The following IL12RB2 variants were observed in gnomAD, a reference collection of about 807,000 sequenced individuals.
IL12RB2 encodes the protein interleukin 12 receptor subunit beta 2.
IL12RB2 carries 82 observed loss-of-function variants against 89.4 expected under a neutral mutation model. The ratio of observed to expected loss-of-function variants is 0.92; its 90% CI spans 0.77 to 1.10. The LOEUF (loss-of-function observed/expected upper bound fraction) is 1.10, where lower values mean the gene tolerates loss of function less well. Among genes scored for constraint, IL12RB2 ranks in the 50% least tolerant of loss-of-function variants. The pLI, the probability that IL12RB2 is intolerant of heterozygous loss-of-function variation, is 0.00. For missense variants in IL12RB2, 963 were observed against 1,031.9 expected (o/e 0.93, Z 0.92); for synonymous variants, 368 against 370.1 (o/e 0.99, Z 0.07).
intron 13 of IL12RB2, among the ~76,000 whole-genome samples, chr1:67,377,318 GTGAGCCAGTATATGT>G (rs1171651929): frequency 6.6e-6 from 1 of 152,158 alleles, no homozygotes; most frequent in African/African-American, 2.4e-5. Context: ...CCTGGAGTTT[GTGAGCCAGTATATGT>G]TGAGTATATG....
intron 6 of IL12RB2, 121 bp downstream of exon 6, chr1:67,328,505 G>A (rs1657633148): frequency 5.8e-6 from 9 of 1,540,092 alleles, no homozygotes; most frequent in South Asian, 1.2e-5. Flanking sequence ...ACAGGCATAA[G>A]CAAAAGATAG....
intron 10 of IL12RB2, among the ~76,000 whole-genome samples, chr1:67,367,325 G>A (rs891692936): frequency 2.0e-5 from 3 of 151,824 alleles, no homozygotes; most frequent in African/African-American, 7.3e-5. Context: ...AATCTGGGAG[G>A]TTGAGGCTGC....
intron 15 of IL12RB2, among the ~76,000 whole-genome samples, chr1:67,387,505 A>T (rs4655543): frequency 0.47 from 70,356 of 150,456 alleles, 18,587 homozygotes; most frequent in Non-Finnish European, 0.58. Context: ...GATGGAGACC[A>T]TCCTGGCCAA....
At chr1:67,374,564 C>A (rs1663741253) in intron 13 of IL12RB2, among the ~76,000 whole-genome samples, 1 of 151,780 alleles carries the variant, frequency 6.6e-6, no homozygotes, top group South Asian at 2.1e-4. Context: ...CAACCTCTAC[C>A]TCCCGGGTTC....
At chr1:67,380,252 C>A in intron 14 of IL12RB2, 129 bp downstream of exon 14, 1 of 902,620 alleles carries the variant, frequency 1.1e-6, no homozygotes, top group Non-Finnish European at 1.8e-6. Context: ...TGTCACTTTA[C>A]ACTTGCTGTT....
At chr1:67,321,581 T>G (rs1364793399) in intron 3 of IL12RB2, 21 bp from the exon 4 acceptor site, 4 of 1,517,110 alleles carry the variant, frequency 2.6e-6, no homozygotes, top group Non-Finnish European at 3.7e-6. Context: ...AACTAAATAT[T>G]GCATCTGTAT....
At chr1:67,324,771 A>G (rs1657068298) in intron 4 of IL12RB2, among the ~76,000 whole-genome samples, 1 of 152,260 alleles carries the variant, frequency 6.6e-6, no homozygotes, top group Non-Finnish European at 1.5e-5. Context: ...TCAAGTCCTT[A>G]TCTAGGACAG....
intron 10 of IL12RB2, among the ~76,000 whole-genome samples, chr1:67,358,397 G>GAA (rs1319818096): frequency 6.6e-6 from 1 of 152,004 alleles, no homozygotes; most frequent in African/African-American, 2.4e-5. Flanking sequence ...CCAACCTGGT[G>GAA]AAACCCTGTC....
intron 9 of IL12RB2, among the ~76,000 whole-genome samples, chr1:67,349,845 T>C (rs1660633310): frequency 6.6e-6 from 1 of 152,206 alleles, no homozygotes; most frequent in African/African-American, 2.4e-5. Context: ...AGCCAAATTA[T>C]AATCAGAAGG....
At chr1:67,370,840 A>G (rs1448973998) in intron 11 of IL12RB2, among the ~76,000 whole-genome samples, 1 of 152,210 alleles carries the variant, frequency 6.6e-6, no homozygotes, top group Non-Finnish European at 1.5e-5. Flanking sequence ...GGAAATGTCA[A>G]CTGAATTACA....
intron 14 of IL12RB2, among the ~76,000 whole-genome samples, chr1:67,386,068 G>C (rs1665099674): frequency 6.6e-6 from 1 of 151,948 alleles, no homozygotes; most frequent in African/African-American, 2.4e-5. Flanking sequence ...AATTAGCCGG[G>C]CGTGGTGGCA....
chr1:67,343,546 C>T (rs536880384), intron 9 of IL12RB2, among the ~76,000 whole-genome samples: 1 of 152,296 alleles, frequency 6.6e-6, no homozygotes, highest in East Asian at 1.9e-4. Context: ...GATTAGGCCC[C>T]TTTACAAAAG....
intron 6 of IL12RB2, 122 bp downstream of exon 6, chr1:67,328,506 CA>C (rs1442050186): frequency 1.3e-6 from 2 of 1,537,214 alleles, no homozygotes; most frequent in African/African-American, 2.8e-5. Context: ...CAGGCATAAG[CA>C]AAAGATAGAA....
chr1:67,327,685 T>G (rs1333413507), intron 5 of IL12RB2, among the ~76,000 whole-genome samples: 1 of 152,188 alleles, frequency 6.6e-6, no homozygotes, highest in Non-Finnish European at 1.5e-5. Flanking sequence ...ATCCAGCTGA[T>G]TTGTGCTATT....
Position 67,357,545 on chromosome 1 carries a change from T to A in IL12RB2, c.1258+6456T>A, listed in dbSNP as rs2100895668. On this transcript the variant is annotated intron_variant, in intron 10 of 16. Transcript: ENST00000674203. Reference sequence around the variant, plus strand: ...TGTCTATTTAGAAAACAAACACATTTAGTTGTTTCCATCTCTTAAACTTCA... The same window carrying A: ...TGTCTATTTAGAAAACAAACACATTAAGTTGTTTCCATCTCTTAAACTTCA... Among the ~76,000 whole-genome samples the A allele has an allele frequency of 1.3e-5, 2 of 152,352 alleles. 1 individual carries two copies. Among genetic ancestry groups the A allele is most frequent in the Admixed American group, 1.3e-4 (2 of 15,296 alleles).
chr1:67,333,836 A>C (rs1658419840), intron 8 of IL12RB2, among the ~76,000 whole-genome samples: 1 of 152,206 alleles, frequency 6.6e-6, no homozygotes, highest in Non-Finnish European at 1.5e-5. Context: ...ATCTCTCACC[A>C]CTTAGAACAC....
In IL12RB2 at chr1:67,365,733, G is replaced by GA. The variant is rs202089871; in HGVS notation, c.1259-2083dup. Among the ~76,000 whole-genome samples the GA allele has an allele frequency of 1.2e-4, 18 of 149,434 alleles. No individual in the cohort carries two copies. In the South Asian group the frequency reaches 1.3e-3, roughly 11 times the overall value. On this transcript the variant is annotated intron_variant, in intron 10 of 16. Transcript: ENST00000674203. ...AAATAGTAAAATGTATTCTCCCCCT[G>GA]AAAAAAAAACCTTTTGTTGGATTTG...
intron 10 of IL12RB2, among the ~76,000 whole-genome samples, chr1:67,358,635 ATAGAG>A (rs936709743): frequency 2.6e-5 from 4 of 152,054 alleles, no homozygotes; most frequent in African/African-American, 4.8e-5. Context: ...AACTTAGGTA[ATAGAG>A]TAAATTCAGA....
chr1:67,370,097 C>T (rs373204976), intron 11 of IL12RB2, among the ~76,000 whole-genome samples: 3 of 151,072 alleles, frequency 2.0e-5, no homozygotes, highest in African/African-American at 7.3e-5. Flanking sequence ...CTTGGAAACA[C>T]TTGGTTAGCT....
Sources: allele counts gnomAD v4.1 joint callset (sites outside exome capture counted in the v4.1 genomes callset), GRCh38; gene constraint gnomAD v4.1.1; transcripts MANE v1.5; gene names NCBI Gene and HGNC (gene_info 2026-07-23, HGNC 2026-07-21).